Variants in DLGAP1 observed in about 807,000 individuals in gnomAD.
DLGAP1 encodes the protein disks large-associated protein 1.
DLGAP1 carries 11 observed loss-of-function variants against 90.8 expected under a neutral mutation model. That is an observed-to-expected ratio of 0.12 (90% confidence interval 0.08 to 0.20). DLGAP1 has a LOEUF of 0.20. Ranked by LOEUF, DLGAP1 falls within the 10% of genes least tolerant of loss-of-function variation. The pLI is 1.00. For synonymous variants in DLGAP1, 558 were observed against 540.7 expected (o/e 1.03, Z -0.44); for missense variants, 1,050 against 1,333.8 (o/e 0.79, Z 3.31).
Position 3,952,635 on chromosome 18 carries a change from G to C in DLGAP1, c.-73+52481C>G, listed in dbSNP as rs145273403. ...GGTAGGAACAAAACCATGGTAAGTGGAGAGAAAAGGGTAAATGTTAATCAT... is the reference window on the plus strand; with the variant it reads ...GGTAGGAACAAAACCATGGTAAGTGCAGAGAAAAGGGTAAATGTTAATCAT... On this transcript the variant is annotated intron_variant, in intron 3 of 12. Transcript: ENST00000315677. Among the ~76,000 whole-genome samples the C allele has an allele frequency of 1.6e-3, 241 of 152,332 alleles. 2 individuals are homozygous for C. Among genetic ancestry groups the C allele is most frequent in the African/African-American group, 5.3e-3 (220 of 41,564 alleles).
chr18:4,132,045 C>G (rs1357287223), intron 2 of DLGAP1, among the ~76,000 whole-genome samples: 1 of 151,766 alleles, frequency 6.6e-6, no homozygotes, highest in African/African-American at 2.4e-5. Flanking sequence ...CCTGGCTTAA[C>G]ATTTTTGTAA....
rs80137116 is a variant in DLGAP1 at position 3,874,604 on chromosome 18, A to G, written c.957+4508T>C. 770 of 1,530,250 alleles carry G rather than the reference A, an allele frequency of 5.0e-4. 6 individuals are homozygous for G. The East Asian group carries it at 0.015, about 30-fold the overall frequency. 94.8% of individuals were successfully genotyped at this position (1,530,250 alleles called of 1,614,324 possible). A position where few individuals can be genotyped will look rare whatever the true frequency, so the allele number is the denominator to read the frequency against. On this transcript the variant is annotated intron_variant, in intron 4 of 12. Transcript: ENST00000315677. ...TTCCTATTTTATTTATTTAACTATT[A>G]AGCACTTACCCTGAGATGTGCCATA...
chr18:4,427,658 G>T (rs1233759212), intron 1 of DLGAP1, among the ~76,000 whole-genome samples: 1 of 152,128 alleles, frequency 6.6e-6, no homozygotes, highest in Non-Finnish European at 1.5e-5. Flanking sequence ...GCCCGGGCCT[G>T]GTCAATCCAG....
intron 3 of DLGAP1, among the ~76,000 whole-genome samples, chr18:3,971,467 T>C (rs894095906): frequency 3.9e-5 from 6 of 152,242 alleles, no homozygotes. Flanking sequence ...ATCACATATG[T>C]GTGCATGTAT....
intron 2 of DLGAP1, among the ~76,000 whole-genome samples, chr18:4,146,437 C>T (rs1169783920): frequency 2.6e-5 from 4 of 152,120 alleles, no homozygotes; most frequent in African/African-American, 9.7e-5. Context: ...GATTGACTCA[C>T]TCATAATTTT....
At chr18:4,103,123 T>G (rs2075806446) in intron 2 of DLGAP1, among the ~76,000 whole-genome samples, 1 of 152,246 alleles carries the variant, frequency 6.6e-6, no homozygotes, top group African/African-American at 2.4e-5. Context: ...CTGTAGTTTT[T>G]TTCCCTTTCT....
intron 1 of DLGAP1, among the ~76,000 whole-genome samples, chr18:4,313,978 T>C (rs149790014): frequency 9.6e-4 from 146 of 152,260 alleles, no homozygotes; most frequent in Non-Finnish European, 1.5e-3. Context: ...GGGACAAGGA[T>C]AAGCACGGGA....
At chr18:4,209,756 T>C (rs1173697548) in intron 1 of DLGAP1, among the ~76,000 whole-genome samples, 3 of 152,204 alleles carry the variant, frequency 2.0e-5, no homozygotes, top group African/African-American at 7.2e-5. Flanking sequence ...GGGGTACAAA[T>C]TGGTGCCAAG....
At chr18:4,266,104 C>T (rs148045814) in intron 1 of DLGAP1, among the ~76,000 whole-genome samples, 11 of 152,230 alleles carry the variant, frequency 7.2e-5, no homozygotes, top group African/African-American at 2.6e-4. Context: ...GTAGGATACA[C>T]AAAAGATCAT....
At chr18:4,177,950 G>C (rs1288920253) in intron 1 of DLGAP1, among the ~76,000 whole-genome samples, 1 of 151,922 alleles carries the variant, frequency 6.6e-6, no homozygotes, top group Non-Finnish European at 1.5e-5. Context: ...TGTCTTTATG[G>C]AGACTAATTA....
At chr18:3,821,307 A>T (rs1030803612) in intron 4 of DLGAP1, among the ~76,000 whole-genome samples, 18 of 148,178 alleles carry the variant, frequency 1.2e-4, no homozygotes, top group African/African-American at 4.5e-4. Context: ...AAAAAAAAAA[A>T]AAAAAAGATG....
chr18:3,707,471 G>A (rs112011592), intron 7 of DLGAP1, among the ~76,000 whole-genome samples: 6 of 152,098 alleles, frequency 3.9e-5, no homozygotes, highest in African/African-American at 7.2e-5. Context: ...GTGGTGGTGC[G>A]TGCCTGTAAT....
At chr18:3,898,074 G>C (rs186796236) in intron 3 of DLGAP1, among the ~76,000 whole-genome samples, 35 of 152,302 alleles carry the variant, frequency 2.3e-4, no homozygotes, top group Middle Eastern at 3.4e-3. Context: ...GATTACAGGC[G>C]TGAGCCACTG....
At chr18:3,674,490 C>T (rs1213577323) in intron 7 of DLGAP1, among the ~76,000 whole-genome samples, 1 of 151,718 alleles carries the variant, frequency 6.6e-6, no homozygotes, top group Non-Finnish European at 1.5e-5. Context: ...CGCACTGGTG[C>T]ATACTTGTGA....
chr18:4,151,591 T>C (rs1210004970), intron 1 of DLGAP1, among the ~76,000 whole-genome samples: 1 of 152,236 alleles, frequency 6.6e-6, no homozygotes, highest in African/African-American at 2.4e-5. Flanking sequence ...AATGCAAGCA[T>C]CAATGATCCA....
At chr18:3,880,809 G>A (rs1412238198) in intron 3 of DLGAP1, among the ~76,000 whole-genome samples, 4 of 151,694 alleles carry the variant, frequency 2.6e-5, no homozygotes, top group African/African-American at 9.7e-5. Context: ...TGGGCGTGGT[G>A]GTGGGTGCCT....
At chr18:3,635,336 C>G (rs1040601081) in intron 7 of DLGAP1, among the ~76,000 whole-genome samples, 1 of 148,280 alleles carries the variant, frequency 6.7e-6, no homozygotes, top group Non-Finnish European at 1.5e-5. Context: ...CGGGGTTTCA[C>G]CTTGTTAGCC....
chr18:4,007,663 C>A (rs1417428633), intron 2 of DLGAP1, among the ~76,000 whole-genome samples: 1 of 151,966 alleles, frequency 6.6e-6, no homozygotes, highest in Non-Finnish European at 1.5e-5. Context: ...CTCAAACAAA[C>A]AAACAAACAA....
At chr18:4,423,445 T>C (rs1430876970) in intron 1 of DLGAP1, among the ~76,000 whole-genome samples, 1 of 152,226 alleles carries the variant, frequency 6.6e-6, no homozygotes, top group Non-Finnish European at 1.5e-5. Flanking sequence ...GCACGGCATT[T>C]CACATCAAAT....
Sources: gnomAD v4.1 joint callset for allele counts (sites outside exome capture counted in the v4.1 genomes callset) on GRCh38, gnomAD v4.1.1 for gene constraint, MANE v1.5 for transcripts, NCBI Gene and HGNC (gene_info 2026-07-23, HGNC 2026-07-21) for gene names.